LYPD6: variants seen among roughly 807,000 people sequenced by gnomAD.
LYPD6 encodes ly6/PLAUR domain-containing protein 6.
In LYPD6, 15 loss-of-function variants were observed where a neutral mutation model predicts 22.7. The ratio of observed to expected loss-of-function variants is 0.66; its 90% CI spans 0.44 to 1.02. The LOEUF (loss-of-function observed/expected upper bound fraction) is 1.02, where lower values mean the gene tolerates loss of function less well. Ranked by LOEUF, LYPD6 falls within the 50% of genes least tolerant of loss-of-function variation. The probability of loss-of-function intolerance (pLI) is 0.00; values close to 1 mark genes in which losing one functional copy is unlikely to be tolerated. For synonymous variants in LYPD6, 72 were observed against 77.5 expected (o/e 0.93, Z 0.37); for missense variants, 189 against 208.4 (o/e 0.91, Z 0.57).
chr2:149,443,272 C>T (rs1558809951), intron 2 of LYPD6, among the ~76,000 whole-genome samples: 1 of 152,168 alleles, frequency 6.6e-6, no homozygotes, highest in Non-Finnish European at 1.5e-5. Flanking sequence ...AATCTTCATT[C>T]AGAATTCTTA....
At chr2:149,440,294 T>C (rs1014459958) in intron 2 of LYPD6, 1 of 156,710 alleles carries the variant, frequency 6.4e-6, no homozygotes, top group Non-Finnish European at 1.4e-5. Flanking sequence ...GAGCCATACA[T>C]GAGCTCCCCC....
chr2:149,352,034 G>C (rs1201842217), intron 1 of LYPD6, among the ~76,000 whole-genome samples: 3 of 152,016 alleles, frequency 2.0e-5, no homozygotes, highest in African/African-American at 7.2e-5. Context: ...AAGATTTGTT[G>C]GTTGATATTT....
intron 1 of LYPD6, among the ~76,000 whole-genome samples, chr2:149,336,664 A>G (rs954241021): frequency 2.0e-5 from 3 of 152,182 alleles, no homozygotes; most frequent in Non-Finnish European, 4.4e-5. Context: ...ACTCTCTCTA[A>G]GTAATATGGG....
chr2:149,455,016 A>C (rs1680922002), intron 3 of LYPD6, among the ~76,000 whole-genome samples: 1 of 152,040 alleles, frequency 6.6e-6, no homozygotes, highest in Non-Finnish European at 1.5e-5. Context: ...CAATTTTTGA[A>C]TCAGCAAATG....
At chr2:149,365,616 G>A (rs971772128) in intron 1 of LYPD6, among the ~76,000 whole-genome samples, 11 of 151,782 alleles carry the variant, frequency 7.2e-5, no homozygotes, top group African/African-American at 2.2e-4. Flanking sequence ...GTTTCTCAAC[G>A]TTTATTTTTA....
At chr2:149,407,364 G>A (rs1388263489) in intron 1 of LYPD6, among the ~76,000 whole-genome samples, 1 of 152,150 alleles carries the variant, frequency 6.6e-6, no homozygotes, top group Non-Finnish European at 1.5e-5. Context: ...TCACTTTCAG[G>A]TATACCAATC....
chr2:149,459,697 T>A (rs949882174), intron 3 of LYPD6, among the ~76,000 whole-genome samples: 1 of 151,434 alleles, frequency 6.6e-6, no homozygotes, highest in Admixed American at 6.6e-5. Flanking sequence ...AGGTCAGGAG[T>A]TCAAGACCAG....
At chr2:149,416,716 G>T (rs1300817859) in intron 1 of LYPD6, among the ~76,000 whole-genome samples, 1 of 152,172 alleles carries the variant, frequency 6.6e-6, no homozygotes, top group Non-Finnish European at 1.5e-5. Context: ...TGGTTTTGGG[G>T]CCCATGCCAT....
At chr2:149,464,113 TA>T (rs34341723) in intron 3 of LYPD6, 197,389 of 357,586 alleles carry the variant, frequency 0.55, 38,123 homozygotes, top group East Asian at 0.67. Flanking sequence ...TAGGTTAAAT[TA>T]AAAAAAAAAA....
At chr2:149,366,399 A>G (rs1028937125) in intron 1 of LYPD6, among the ~76,000 whole-genome samples, 10 of 152,308 alleles carry the variant, frequency 6.6e-5, no homozygotes, top group African/African-American at 2.4e-4. Flanking sequence ...GTTGCCACCA[A>G]CTCTGACATC....
intron 1 of LYPD6, among the ~76,000 whole-genome samples, chr2:149,411,785 C>T (rs1682853930): frequency 6.6e-6 from 1 of 152,194 alleles, no homozygotes; most frequent in African/African-American, 2.4e-5. Flanking sequence ...AAACCTCCCT[C>T]ACTCCCTTAG....
intron 1 of LYPD6, among the ~76,000 whole-genome samples, chr2:149,341,002 T>TA (rs34553006): frequency 0.28 from 42,761 of 152,048 alleles, 6,653 homozygotes; most frequent in East Asian, 0.61. Flanking sequence ...GTTCTAAAAA[T>TA]ATTGCCATTT....
chr2:149,480,630 A>G, the LYPD6 span, among the ~76,000 whole-genome samples: 6 of 151,990 alleles, frequency 3.9e-5, no homozygotes, highest in African/African-American at 7.2e-5. Context: ...TCTAAGTTCC[A>G]TGGGGCCAGG....
the LYPD6 span, among the ~76,000 whole-genome samples, chr2:149,485,509 C>T: frequency 6.6e-6 from 1 of 152,134 alleles, no homozygotes; most frequent in Non-Finnish European, 1.5e-5. Context: ...ACATGCTTTC[C>T]TCTCTACCTG....
intron 1 of LYPD6, among the ~76,000 whole-genome samples, chr2:149,427,816 G>A (rs1402352644): frequency 6.6e-6 from 1 of 152,176 alleles, no homozygotes; most frequent in Admixed American, 6.5e-5. Context: ...TTCTCAGAGC[G>A]TATCCTCGTT....
chr2:149,349,975 G>A (rs1485527666), intron 1 of LYPD6, among the ~76,000 whole-genome samples: 2 of 152,080 alleles, frequency 1.3e-5, no homozygotes, highest in African/African-American at 4.8e-5. Context: ...ATGTTACCTA[G>A]AGGCAGATTA....
rs1202103860 is a variant in LYPD6 at position 149,470,850 on chromosome 2, GT to G, written c.*1del. ...GGTTGTGGTTAGGGCTCATGTTATA[GT>G]GGCTCAGTGGCTCCATGTGTTAATA... On this transcript the variant is annotated 3_prime_UTR_variant, in exon 5 of 5. Transcript: ENST00000334166. 3.7e-6 allele frequency: 6 copies of G among 1,610,350 alleles called. No individual in the cohort carries two copies. The African/African-American group carries it at 6.7e-5, about 18-fold the overall frequency.
chr2:149,374,563 C>A (rs1681875693), intron 1 of LYPD6, among the ~76,000 whole-genome samples: 1 of 152,150 alleles, frequency 6.6e-6, no homozygotes, highest in African/African-American at 2.4e-5. Context: ...GAAGTCTGTC[C>A]CTGACAATCT....
chr2:149,405,309 G>A (rs973604577), intron 1 of LYPD6, among the ~76,000 whole-genome samples: 1 of 152,058 alleles, frequency 6.6e-6, no homozygotes, highest in African/African-American at 2.4e-5. Context: ...AGAAGCAATG[G>A]TACCAGTTCC....
Sources: allele counts gnomAD v4.1 joint callset (sites outside exome capture counted in the v4.1 genomes callset), GRCh38; gene constraint gnomAD v4.1.1; transcripts MANE v1.5; gene names NCBI Gene and HGNC (gene_info 2026-07-23, HGNC 2026-07-21).